Variants in NMNAT2 observed in about 807,000 individuals in gnomAD.
NMNAT2 encodes the protein nicotinamide nucleotide adenylyltransferase 2, also known as nicotinamide/nicotinic acid mononucleotide adenylyltransferase 2.
NMNAT2 carries 11 observed loss-of-function variants against 41.6 expected under a neutral mutation model. That is an observed-to-expected ratio of 0.26 (90% CI 0.17 to 0.44). The LOEUF (loss-of-function observed/expected upper bound fraction) is 0.44, where lower values mean the gene tolerates loss of function less well. Ranked by LOEUF, NMNAT2 falls within the 20% of genes least tolerant of loss-of-function variation. The pLI, the probability that NMNAT2 is intolerant of heterozygous loss-of-function variation, is 1.00. For missense variants in NMNAT2, 288 were observed against 407.7 expected (o/e 0.71, Z 2.53); for synonymous variants, 148 against 151.2 (o/e 0.98, Z 0.16).
chr1:183,410,096 GT>G (rs759170635), intron 1 of NMNAT2, among the ~76,000 whole-genome samples: 12 of 151,514 alleles, frequency 7.9e-5, no homozygotes, highest in Non-Finnish European at 1.3e-4. Context: ...ATCACCTGAG[GT>G]CAGGAGTTCA....
At chr1:183,395,828 G>A (rs1447828685) in intron 1 of NMNAT2, among the ~76,000 whole-genome samples, 1 of 152,196 alleles carries the variant, frequency 6.6e-6, no homozygotes, top group African/African-American at 2.4e-5. Context: ...AAGAAGGGGG[G>A]AATTTCATAT....
chr1:183,299,385 T>A (rs1325876893), intron 1 of NMNAT2, among the ~76,000 whole-genome samples: 4 of 151,228 alleles, frequency 2.6e-5, no homozygotes, highest in South Asian at 2.1e-4. Flanking sequence ...CAAAAAAAAA[T>A]AAAAAAATAA....
chr1:183,343,150 A>G (rs896910678), intron 1 of NMNAT2, among the ~76,000 whole-genome samples: 17 of 152,222 alleles, frequency 1.1e-4, no homozygotes, highest in African/African-American at 3.9e-4. Context: ...GAGGCCAACC[A>G]TCTTGGACTC....
In NMNAT2 at chr1:183,342,745, T is replaced by C. The variant is rs189909226; in HGVS notation, c.86-48952A>G. Among the ~76,000 whole-genome samples the C allele has an allele frequency of 4.3e-3, 654 of 152,188 alleles. 3 individuals carry two copies. The highest frequency in any genetic ancestry group is 7.3e-3 in the Non-Finnish European group (498 of 68,010). On this transcript the variant is annotated intron_variant, in intron 1 of 10. Coordinates refer to ENST00000287713, the MANE Select transcript of NMNAT2 (RefSeq NM_015039.4). ...AACTCATTTTTAATTTAATTTAATT[T>C]TTTTTTGAGACAGGGTCTTGCTCTG...
At chr1:183,260,226 C>T (rs976947408) in intron 10 of NMNAT2, among the ~76,000 whole-genome samples, 5 of 152,180 alleles carry the variant, frequency 3.3e-5, no homozygotes, top group South Asian at 2.1e-4. Flanking sequence ...CCATGGGCTT[C>T]ACTTTGCCTT....
chr1:183,332,693 G>A (rs1662609791), intron 1 of NMNAT2, among the ~76,000 whole-genome samples: 1 of 151,866 alleles, frequency 6.6e-6, no homozygotes, highest in African/African-American at 2.4e-5. Context: ...CTGGCAACAT[G>A]CTAGCCAAGC....
chr1:183,353,631 C>T (rs955634905), intron 1 of NMNAT2, among the ~76,000 whole-genome samples: 4 of 152,078 alleles, frequency 2.6e-5, no homozygotes, highest in Non-Finnish European at 5.9e-5. Flanking sequence ...ATGCCCAGGA[C>T]CCAAATCATC....
At chr1:183,390,687 AG>A (rs1557898074) in intron 1 of NMNAT2, among the ~76,000 whole-genome samples, 1 of 152,222 alleles carries the variant, frequency 6.6e-6, no homozygotes, top group African/African-American at 2.4e-5. Flanking sequence ...AGAAATGTAA[AG>A]GATAGCACAT....
rs546295704 is a variant in NMNAT2 at position 183,299,472 on chromosome 1, A to G, written c.86-5679T>C. Reference sequence around the variant, plus strand: ...CATTATTCTGAGTGAAGAAAAGGCAATCTCAAAAGTTTGCTTATTGTATGA... The same window carrying G: ...CATTATTCTGAGTGAAGAAAAGGCAGTCTCAAAAGTTTGCTTATTGTATGA... On this transcript the variant is annotated intron_variant, in intron 1 of 10. Coordinates refer to ENST00000287713, the MANE Select transcript of NMNAT2 (RefSeq NM_015039.4). Among the ~76,000 whole-genome samples, 154 of 152,322 alleles carry G rather than the reference A, an allele frequency of 1.0e-3. 2 individuals carry two copies. Among genetic ancestry groups the G allele is most frequent in the African/African-American group, 3.2e-3 (135 of 41,582 alleles).
chr1:183,313,115 C>T (rs1662163165), intron 1 of NMNAT2, among the ~76,000 whole-genome samples: 1 of 150,142 alleles, frequency 6.7e-6, no homozygotes, highest in African/African-American at 2.4e-5. Context: ...CCTCCCCCAA[C>T]ACGCACGCAT....
At chr1:183,406,994 T>C (rs1648974879) in intron 1 of NMNAT2, among the ~76,000 whole-genome samples, 1 of 152,128 alleles carries the variant, frequency 6.6e-6, no homozygotes, top group African/African-American at 2.4e-5. Context: ...AATTTTTGTA[T>C]TTTTAGTAGA....
chr1:183,301,065 T>G (rs1661838105), intron 1 of NMNAT2, among the ~76,000 whole-genome samples: 1 of 152,208 alleles, frequency 6.6e-6, no homozygotes, highest in Non-Finnish European at 1.5e-5. Context: ...AATGTTGATA[T>G]TTTGTTTATC....
chr1:183,397,575 T>A (rs1269577078), intron 1 of NMNAT2, among the ~76,000 whole-genome samples: 1 of 151,832 alleles, frequency 6.6e-6, no homozygotes, highest in East Asian at 1.9e-4. Context: ...CCACAAAGAC[T>A]CCTCGAGAAA....
At chr1:183,335,466 G>A (rs1256276591) in intron 1 of NMNAT2, among the ~76,000 whole-genome samples, 2 of 152,238 alleles carry the variant, frequency 1.3e-5, no homozygotes, top group African/African-American at 4.8e-5. Context: ...TCTGTGGCAA[G>A]GTGATGTGAG....
chr1:183,417,374 G>T (rs1649284513), intron 1 of NMNAT2, among the ~76,000 whole-genome samples: 1 of 151,920 alleles, frequency 6.6e-6, no homozygotes, highest in Non-Finnish European at 1.5e-5. Flanking sequence ...ACAGTCATTC[G>T]CACATTCGTA....
At chr1:183,257,456 G>T (rs919381657) in intron 10 of NMNAT2, among the ~76,000 whole-genome samples, 14 of 152,182 alleles carry the variant, frequency 9.2e-5, no homozygotes, top group Admixed American at 2.6e-4. Flanking sequence ...AGAAGTATTG[G>T]TATTAATTAT....
intron 1 of NMNAT2, among the ~76,000 whole-genome samples, chr1:183,296,140 G>A (rs1661690321): frequency 6.6e-6 from 1 of 152,126 alleles, no homozygotes; most frequent in African/African-American, 2.4e-5. Context: ...GTGAGCCACC[G>A]CGCCCGGCCG....
Position 183,284,835 on chromosome 1 carries a change from A to C in NMNAT2, c.449-45T>G, listed in dbSNP as rs75105337. 5.6e-3 allele frequency: 8,504 copies of C among 1,511,192 alleles called. 405 individuals carry two copies. In the African/African-American group the frequency reaches 0.1, roughly 18 times the overall value. 93.6% of individuals were successfully genotyped at this position (1,511,192 alleles called of 1,614,324 possible). A position where few individuals can be genotyped will look rare whatever the true frequency, so the allele number is the denominator to read the frequency against. On this transcript the variant is annotated intron_variant, in intron 5 of 10. Transcript: ENST00000287713. ...AGACAGGGACAGAGTGGGAGAGAAC[A>C]ACTCACAACTGGCACTCATGTCGGC...
At chr1:183,334,340 T>C (rs1007309835) in intron 1 of NMNAT2, among the ~76,000 whole-genome samples, 3 of 152,034 alleles carry the variant, frequency 2.0e-5, no homozygotes, top group Non-Finnish European at 4.4e-5. Context: ...GCGCTGGGAT[T>C]ACAGGCGTGA....
Sources: allele counts gnomAD v4.1 joint callset (sites outside exome capture counted in the v4.1 genomes callset), GRCh38; gene constraint gnomAD v4.1.1; transcripts MANE v1.5; gene names NCBI Gene and HGNC (gene_info 2026-07-23, HGNC 2026-07-21).